Variants in WWOX observed in about 807,000 individuals in gnomAD.
The protein encoded by WWOX is WW domain-containing oxidoreductase.
Under a neutral mutation model 46.2 loss-of-function variants are expected in WWOX, and 69 were observed. The observed-to-expected ratio is 1.49, with a 90% CI of 1.23 to 1.82. WWOX has a LOEUF of 1.82. WWOX is among the 40% of genes most tolerant of loss of function. The probability of loss-of-function intolerance (pLI) is 0.00; values close to 1 mark genes in which losing one functional copy is unlikely to be tolerated. For synonymous variants in WWOX, 359 were observed against 202.6 expected (o/e 1.77, Z -6.56); for missense variants, 919 against 542.6 (o/e 1.69, Z -6.89).
At chr16:78,562,317 G>A (rs1597270967) in intron 8 of WWOX, among the ~76,000 whole-genome samples, 2 of 152,152 alleles carry the variant, frequency 1.3e-5, no homozygotes, top group African/African-American at 2.4e-5. Flanking sequence ...AAAAACCCAT[G>A]CATATTCTGC....
chr16:78,603,797 G>A (rs2045680922), intron 8 of WWOX, among the ~76,000 whole-genome samples: 1 of 152,170 alleles, frequency 6.6e-6, no homozygotes, highest in African/African-American at 2.4e-5. Flanking sequence ...GGTGGGGACA[G>A]ACAAGTGACT....
intron 8 of WWOX, among the ~76,000 whole-genome samples, chr16:79,188,964 T>C (rs2051073779): frequency 6.6e-6 from 1 of 152,180 alleles, no homozygotes; most frequent in Non-Finnish European, 1.5e-5. Flanking sequence ...TAGTCTTTAT[T>C]GCATGCAAAT....
At chr16:78,627,086 C>G (rs1417028570) in intron 8 of WWOX, among the ~76,000 whole-genome samples, 2 of 152,110 alleles carry the variant, frequency 1.3e-5, no homozygotes, top group Non-Finnish European at 2.9e-5. Flanking sequence ...ACTATAATTT[C>G]TGGAATCTCA....
At chr16:78,444,662 C>G (rs1275372384) in intron 8 of WWOX, among the ~76,000 whole-genome samples, 1 of 151,792 alleles carries the variant, frequency 6.6e-6, no homozygotes, top group Non-Finnish European at 1.5e-5. Context: ...TCCCGAGTAG[C>G]TAGGACTACA....
At chr16:78,136,865 A>G (rs1429959915) in intron 4 of WWOX, among the ~76,000 whole-genome samples, 1 of 151,842 alleles carries the variant, frequency 6.6e-6, no homozygotes, top group South Asian at 2.1e-4. Flanking sequence ...GACCACCACA[A>G]TTAGACAGGG....
intron 8 of WWOX, among the ~76,000 whole-genome samples, chr16:78,645,922 A>G (rs550331788): frequency 3.3e-4 from 51 of 152,244 alleles, no homozygotes; most frequent in Non-Finnish European, 5.7e-4. Flanking sequence ...TGGTGGCCAC[A>G]TCTTCCATCC....
At chr16:78,824,967 G>A (rs1042828760) in intron 8 of WWOX, among the ~76,000 whole-genome samples, 4 of 152,162 alleles carry the variant, frequency 2.6e-5, no homozygotes, top group Admixed American at 6.5e-5. Flanking sequence ...GGTAGTAATA[G>A]TAACAGTAGA....
At chr16:78,847,048 C>T (rs945330395) in intron 8 of WWOX, among the ~76,000 whole-genome samples, 1 of 152,220 alleles carries the variant, frequency 6.6e-6, no homozygotes, top group Non-Finnish European at 1.5e-5. Flanking sequence ...TGACATGCCC[C>T]GTTCTTTTTT....
chr16:78,146,309 C>G (rs1048134921), intron 4 of WWOX, among the ~76,000 whole-genome samples: 2 of 152,152 alleles, frequency 1.3e-5, no homozygotes, highest in Non-Finnish European at 2.9e-5. Context: ...CTTTCTCTCT[C>G]TGTTTCTCTT....
At chr16:79,009,729 G>C (rs1418193743) in intron 8 of WWOX, among the ~76,000 whole-genome samples, 1 of 152,138 alleles carries the variant, frequency 6.6e-6, no homozygotes, top group Non-Finnish European at 1.5e-5. Flanking sequence ...GGGATTACAG[G>C]TGTGAGCCAC....
chr16:78,475,093 C>T (rs370388777), intron 8 of WWOX, among the ~76,000 whole-genome samples: 1 of 152,128 alleles, frequency 6.6e-6, no homozygotes, highest in African/African-American at 2.4e-5. Context: ...ACTGATAAAA[C>T]CACTGCTCAT....
At chr16:79,109,973 C>A (rs1195528655) in intron 8 of WWOX, among the ~76,000 whole-genome samples, 1 of 152,176 alleles carries the variant, frequency 6.6e-6, no homozygotes, top group African/African-American at 2.4e-5. Flanking sequence ...TGCCAACCCT[C>A]CAAATCAAGA....
chr16:78,323,870 A>C (rs1490857177), intron 5 of WWOX, among the ~76,000 whole-genome samples: 3 of 152,090 alleles, frequency 2.0e-5, no homozygotes, highest in Non-Finnish European at 2.9e-5. Context: ...ACTCTTAAGG[A>C]CTCAGAGGCC....
intron 5 of WWOX, among the ~76,000 whole-genome samples, chr16:78,351,291 C>A (rs141490647): frequency 6.6e-6 from 1 of 152,182 alleles, no homozygotes; most frequent in Non-Finnish European, 1.5e-5. Flanking sequence ...TCCTTTAAAT[C>A]CCTTTACTTT....
intron 8 of WWOX, chr16:79,017,049 G>C (rs1422406514): frequency 6.6e-6 from 1 of 152,126 alleles, no homozygotes; most frequent in East Asian, 1.9e-4. Context: ...TATGAGCACT[G>C]AGTGTAACTC....
At chr16:78,716,847 G>C (rs1188154375) in intron 8 of WWOX, among the ~76,000 whole-genome samples, 2 of 152,194 alleles carry the variant, frequency 1.3e-5, no homozygotes, top group African/African-American at 4.8e-5. Flanking sequence ...AACCACAGCT[G>C]TGTGCAGCTT....
chr16:79,078,577 G>C lies in WWOX; in HGVS notation c.1057-133031G>C, dbSNP rs73572932. ...CGTGTACATTCATTAAGCATCCCTC[G>C]CCATAGGAGAATCTGAGTTCCTGGG... On this transcript the variant is annotated intron_variant, in intron 8 of 8. Transcript: ENST00000566780. Among the ~76,000 whole-genome samples, 527 of 152,220 alleles carry C rather than the reference G, an allele frequency of 3.5e-3. 3 individuals carry two copies. Among genetic ancestry groups the C allele is most frequent in the African/African-American group, 0.012 (483 of 41,518 alleles).
intron 8 of WWOX, among the ~76,000 whole-genome samples, chr16:78,789,040 C>T (rs1161187220): frequency 6.6e-6 from 1 of 152,162 alleles, no homozygotes; most frequent in Non-Finnish European, 1.5e-5. Flanking sequence ...TTGATATCAT[C>T]TCGTGATGCA....
chr16:78,570,977 A>C (rs540847216), intron 8 of WWOX, among the ~76,000 whole-genome samples: 1 of 152,318 alleles, frequency 6.6e-6, no homozygotes, highest in East Asian at 1.9e-4. Flanking sequence ...CTGGCAAGGC[A>C]AAGATTATTC....
Sources: allele counts gnomAD v4.1 joint callset (sites outside exome capture counted in the v4.1 genomes callset), GRCh38; gene constraint gnomAD v4.1.1; transcripts MANE v1.5; gene names NCBI Gene and HGNC (gene_info 2026-07-23, HGNC 2026-07-21).